ADGRL3: variants seen among roughly 807,000 people sequenced by gnomAD.
ADGRL3 encodes the protein adhesion G protein-coupled receptor L3.
A neutral mutation model predicts 153.5 loss-of-function variants in ADGRL3; 62 were observed. That is an observed-to-expected ratio of 0.40 (90% CI 0.33 to 0.50). The LOEUF is 0.50. Ranked by LOEUF, ADGRL3 falls within the 20% of genes least tolerant of loss-of-function variation. The pLI, the probability that ADGRL3 is intolerant of heterozygous loss-of-function variation, is 0.47. For missense variants in ADGRL3, 1,641 were observed against 1,859.4 expected (o/e 0.88, Z 2.16); for synonymous variants, 710 against 672.5 (o/e 1.06, Z -0.86).
rs1290265126 is a variant in ADGRL3 at position 61,975,269 on chromosome 4, T to C, written c.2806-4294T>C. 2.0e-5 allele frequency among the ~76,000 whole-genome samples: 3 copies of C among 152,084 alleles called. No individual in the cohort carries two copies. In the East Asian group the frequency reaches 5.8e-4, roughly 29 times the overall value. On this transcript the variant is annotated intron_variant, in intron 17 of 26. Coordinates refer to ENST00000683033, the MANE Select transcript of ADGRL3 (RefSeq NM_001387552.1). ...AGATACGATGACTCAGAAAAAACCC[T>C]CTGTGAGAAGGTGACATTTGAATAA...
rs539618454 is a variant in ADGRL3 at position 61,797,085 on chromosome 4, G to T, written c.1400-16724G>T. Among the ~76,000 whole-genome samples, 10 of 152,246 alleles carry T rather than the reference G, an allele frequency of 6.6e-5. No individual in the cohort carries two copies. In the East Asian group the frequency reaches 1.7e-3, roughly 27 times the overall value. ...CTTTACTTCTCCAAAGAACTGAAGA[G>T]ATTTCTCAGAAGCCCTTGCCTTTTA... On this transcript the variant is annotated intron_variant, in intron 8 of 26. Transcript: ENST00000683033.
chr4:61,972,884 CATT>C (rs1462779388), intron 17 of ADGRL3, among the ~76,000 whole-genome samples: 2 of 151,920 alleles, frequency 1.3e-5, no homozygotes, highest in African/African-American at 4.8e-5. Context: ...TAAAATAATG[CATT>C]ATTGTGCAAA....
At position 61,396,601 on chromosome 4, in the gene ADGRL3, T is replaced by C. The variant is rs114135512; in HGVS notation, c.-174+13412T>C. On this transcript the variant is annotated intron_variant, in intron 2 of 26. Transcript: ENST00000683033. ...TGACCTCTAACAACATATTTTACAGTGTAGGTCAAAATGATGAGTAACCAA... is the reference window on the plus strand; with the variant it reads ...TGACCTCTAACAACATATTTTACAGCGTAGGTCAAAATGATGAGTAACCAA... Among the ~76,000 whole-genome samples, 335 of 152,066 alleles carry C rather than the reference T, an allele frequency of 2.2e-3. 4 individuals are homozygous for C. The highest frequency in any genetic ancestry group is 7.7e-3 in the African/African-American group (321 of 41,536).
intron 5 of ADGRL3, among the ~76,000 whole-genome samples, chr4:61,630,797 G>A (rs955726934): frequency 2.6e-5 from 4 of 152,192 alleles, no homozygotes; most frequent in Non-Finnish European, 5.9e-5. Context: ...GAAATAGATG[G>A]TAGTTCTCAG....
chr4:61,749,748 T>A (rs993122427), intron 8 of ADGRL3, among the ~76,000 whole-genome samples: 1 of 152,044 alleles, frequency 6.6e-6, no homozygotes, highest in African/African-American at 2.4e-5. Flanking sequence ...TTAGGAGATA[T>A]ACCTAATGCT....
intron 24 of ADGRL3, 108 bp from the exon 25 acceptor site, chr4:62,044,345 G>T: frequency 1.4e-6 from 1 of 725,902 alleles, no homozygotes; most frequent in Non-Finnish European, 2.4e-6. Context: ...TTTGCCAAAT[G>T]CTAGAAACAA....
chr4:61,354,250 G>T (rs1189755150), intron 1 of ADGRL3, among the ~76,000 whole-genome samples: 1 of 152,078 alleles, frequency 6.6e-6, no homozygotes, highest in Non-Finnish European at 1.5e-5. Flanking sequence ...GAAAGATTAG[G>T]GATGGGATCC....
chr4:62,073,445 C>T lies in ADGRL3; in HGVS notation c.*2537C>T, dbSNP rs890698695. ...CACCCGATACATAGAATACATTTGGCAATAAAAGAATCCTTTTTAGATGTG... is the reference window on the plus strand; with the variant it reads ...CACCCGATACATAGAATACATTTGGTAATAAAAGAATCCTTTTTAGATGTG... On this transcript the variant is annotated 3_prime_UTR_variant, in exon 27 of 27. Coordinates refer to ENST00000683033, the MANE Select transcript of ADGRL3 (RefSeq NM_001387552.1). 1 of 152,034 alleles carries T rather than the reference C, an allele frequency of 6.6e-6. No individual in the cohort carries two copies. Among genetic ancestry groups the T allele is most frequent in the Non-Finnish European group, 1.5e-5 (1 of 67,984 alleles). The allele number at this position is 152,034 out of a possible 1,614,324, so 9.4% of individuals were successfully genotyped here.
At chr4:61,756,202 C>T (rs1227355272) in intron 8 of ADGRL3, among the ~76,000 whole-genome samples, 1 of 152,096 alleles carries the variant, frequency 6.6e-6, no homozygotes, top group Non-Finnish European at 1.5e-5. Context: ...CTATAAATTA[C>T]CTTGGGCAGT....
chr4:61,693,050 A>G (rs2095569309), intron 6 of ADGRL3, among the ~76,000 whole-genome samples: 1 of 152,156 alleles, frequency 6.6e-6, no homozygotes, highest in Non-Finnish European at 1.5e-5. Context: ...ACTTGCGGGA[A>G]AATGACAGTG....
At chr4:61,483,440 A>G (rs182784734) in intron 2 of ADGRL3, among the ~76,000 whole-genome samples, 1 of 152,268 alleles carries the variant, frequency 6.6e-6, no homozygotes, top group Non-Finnish European at 1.5e-5. Flanking sequence ...GTGCTGTGTT[A>G]TTAAAGAAAA....
chr4:61,970,098 T>C (rs2099021455), intron 17 of ADGRL3, among the ~76,000 whole-genome samples: 1 of 152,190 alleles, frequency 6.6e-6, no homozygotes, highest in Admixed American at 6.5e-5. Context: ...ATAAATTCTG[T>C]ATACTCTTTG....
At chr4:61,813,356 T>G (rs555531443) in intron 8 of ADGRL3, among the ~76,000 whole-genome samples, 1 of 152,226 alleles carries the variant, frequency 6.6e-6, no homozygotes, top group African/African-American at 2.4e-5. Flanking sequence ...ATCACGCCAC[T>G]GCACTGCAGC....
intron 10 of ADGRL3, among the ~76,000 whole-genome samples, chr4:61,895,011 A>C (rs1304892899): frequency 6.6e-6 from 1 of 152,204 alleles, no homozygotes; most frequent in Non-Finnish European, 1.5e-5. Flanking sequence ...AGTTTCCCAA[A>C]GAACATATAT....
At chr4:61,236,008 C>CTTTTTTTTTTTTTTTTTTTTTTTTTTT (rs55932029) in intron 1 of ADGRL3, among the ~76,000 whole-genome samples, 1 of 95,852 alleles carries the variant, frequency 1.0e-5, no homozygotes, top group African/African-American at 4.1e-5. Context: ...CTTTTCTTTT[C>CTTTTTTTTTTTTTTTTTTTTTTTTTTT]TTTTTTTTTT....
At chr4:61,474,929 C>T (rs1486568131) in intron 2 of ADGRL3, among the ~76,000 whole-genome samples, 1 of 152,108 alleles carries the variant, frequency 6.6e-6, no homozygotes, top group African/African-American at 2.4e-5. Context: ...CTGTCCCAGG[C>T]TTATTAAATT....
At chr4:61,493,043 A>T (rs534681777) in intron 2 of ADGRL3, among the ~76,000 whole-genome samples, 2 of 152,310 alleles carry the variant, frequency 1.3e-5, no homozygotes, top group African/African-American at 4.8e-5. Flanking sequence ...TAATGACAAC[A>T]CTTCAATGGA....
chr4:61,320,524 G>A (rs1480413706), intron 1 of ADGRL3, among the ~76,000 whole-genome samples: 1 of 152,128 alleles, frequency 6.6e-6, no homozygotes, highest in Non-Finnish European at 1.5e-5. Context: ...TGAATTTGAA[G>A]GCTGGTAAAC....
At position 61,743,079 on chromosome 4, in the gene ADGRL3, G is replaced by C. The variant is rs557002014; in HGVS notation, c.1399+9525G>C. Reference sequence around the variant, plus strand: ...CTCATGCCTGTAATTCCAGCACTTTGGGAAGCCAAGGCAGGCGGATCACAA... The same window carrying C: ...CTCATGCCTGTAATTCCAGCACTTTCGGAAGCCAAGGCAGGCGGATCACAA... On this transcript the variant is annotated intron_variant, in intron 8 of 26. Transcript: ENST00000683033. Among the ~76,000 whole-genome samples, 22 of 151,318 alleles carry C rather than the reference G, an allele frequency of 1.5e-4. No homozygotes were observed. In the East Asian group the frequency reaches 4.1e-3, roughly 28 times the overall value.
Sources: gnomAD v4.1 joint callset for allele counts (sites outside exome capture counted in the v4.1 genomes callset) on GRCh38, gnomAD v4.1.1 for gene constraint, MANE v1.5 for transcripts, NCBI Gene and HGNC (gene_info 2026-07-23, HGNC 2026-07-21) for gene names.